Variants in TEX29 observed in about 807,000 individuals in gnomAD.
TEX29 encodes the protein testis-expressed protein 29.
A neutral mutation model predicts 18.2 loss-of-function variants in TEX29; 26 were observed. That is an observed-to-expected ratio of 1.43 (90% CI 1.04 to 1.98). The LOEUF (loss-of-function observed/expected upper bound fraction) is 1.98. Ranked by LOEUF, TEX29 falls within the 30% of genes most tolerant of loss-of-function variation. TEX29 has a pLI of 0.00. For missense variants in TEX29, 177 were observed against 194.2 expected, an observed-to-expected ratio of 0.91 and a Z score of 0.53; for synonymous variants, 83 against 78.5, an observed-to-expected ratio of 1.06 and a Z score of -0.31.
intron 3 of TEX29, among the ~76,000 whole-genome samples, chr13:111,332,207 G>T (rs2093683750): frequency 6.6e-6 from 1 of 151,942 alleles, no homozygotes; most frequent in Non-Finnish European, 1.5e-5. Context: ...ATTTATTTCG[G>T]TCTTTAATTT....
intron 2 of TEX29, among the ~76,000 whole-genome samples, chr13:111,325,388 C>T (rs2093671198): frequency 6.6e-6 from 1 of 151,904 alleles, no homozygotes; most frequent in African/African-American, 2.4e-5. Flanking sequence ...CTGCTGGTGC[C>T]AGTGGCCGGG....
rs116408379 is a variant in TEX29, at chr13:111,321,798, C to T, written c.58+850C>T. On this transcript the variant is annotated intron_variant, in intron 2 of 5. Coordinates refer to ENST00000283547, the MANE Select transcript of TEX29 (RefSeq NM_152324.3). ...ATTAGCCGAGCGTGGTGGCGGGTTG[C>T]CTGTAATCCCAGCTACTTGGAAGGC... 6.3e-3 allele frequency among the ~76,000 whole-genome samples: 966 copies of T among 152,176 alleles called. 7 individuals carry two copies. Among genetic ancestry groups the T allele is most frequent in the African/African-American group, 0.021 (875 of 41,510 alleles).
chr13:111,321,914 A>T (rs1165584492), intron 2 of TEX29, among the ~76,000 whole-genome samples: 1 of 152,214 alleles, frequency 6.6e-6, no homozygotes, highest in African/African-American at 2.4e-5. Flanking sequence ...ACAAAGCGAG[A>T]CTCCGCCTCA....
chr13:111,330,621 C>A (rs2093681228), intron 3 of TEX29, among the ~76,000 whole-genome samples: 1 of 152,186 alleles, frequency 6.6e-6, no homozygotes, highest in African/African-American at 2.4e-5. Flanking sequence ...TTAAAGTATA[C>A]AATTCAGTGG....
At chr13:111,344,043 T>G in intron 5 of TEX29, 40 bp from the exon 6 acceptor site, 1 of 1,543,474 alleles carries the variant, frequency 6.5e-7, no homozygotes, top group South Asian at 1.1e-5. Context: ...CTGCTGAATA[T>G]TCCATTTGAA....
chr13:111,342,345 T>C (rs1416199070), intron 4 of TEX29, among the ~76,000 whole-genome samples: 1 of 152,122 alleles, frequency 6.6e-6, no homozygotes, highest in Non-Finnish European at 1.5e-5. Context: ...TGCCCGGAGC[T>C]GTCTTTGGGA....
chr13:111,335,946 A>T (rs915752809), intron 3 of TEX29, among the ~76,000 whole-genome samples: 3 of 152,140 alleles, frequency 2.0e-5, no homozygotes, highest in African/African-American at 7.2e-5. Context: ...GCCTGTTTGT[A>T]AGTGTTGGCA....
intron 3 of TEX29, among the ~76,000 whole-genome samples, chr13:111,334,652 TGTTA>T (rs1292062646): frequency 6.6e-6 from 1 of 152,260 alleles, no homozygotes; most frequent in Non-Finnish European, 1.5e-5. Context: ...ATGCTAAGCT[TGTTA>T]GTTAGCCTCT....
intron 2 of TEX29, among the ~76,000 whole-genome samples, chr13:111,321,461 C>T (rs2093664403): frequency 6.6e-6 from 1 of 152,182 alleles, no homozygotes; most frequent in South Asian, 2.1e-4. Context: ...TGGGGGATGA[C>T]AGTGACTTAT....
At chr13:111,330,520 T>C (rs1181493564) in intron 3 of TEX29, among the ~76,000 whole-genome samples, 2 of 152,220 alleles carry the variant, frequency 1.3e-5, no homozygotes, top group African/African-American at 4.8e-5. Context: ...ATTCCCAGGA[T>C]CTCACGCCTT....
At chr13:111,339,832 C>A (rs372470135) in intron 3 of TEX29, 31 bp from the exon 4 acceptor site, 4 of 1,608,408 alleles carry the variant, frequency 2.5e-6, no homozygotes, top group East Asian at 4.5e-5. Flanking sequence ...TTACCTGGAT[C>A]GAAATGACTT....
chr13:111,322,269 G>C (rs1246133369), intron 2 of TEX29, among the ~76,000 whole-genome samples: 3 of 151,258 alleles, frequency 2.0e-5, no homozygotes, highest in Non-Finnish European at 4.4e-5. Context: ...ACCCAGGGTG[G>C]AGTGGGAGGC....
intron 2 of TEX29, among the ~76,000 whole-genome samples, chr13:111,327,439 C>A (rs998246871): frequency 1.3e-5 from 2 of 152,190 alleles, no homozygotes; most frequent in African/African-American, 4.8e-5. Flanking sequence ...TGGGTGCAGC[C>A]TTGGCCTGGG....
At chr13:111,329,243 T>C (rs1341604310) in intron 3 of TEX29, among the ~76,000 whole-genome samples, 3 of 152,054 alleles carry the variant, frequency 2.0e-5, no homozygotes, top group Admixed American at 2.0e-4. Context: ...GAGGGAACAG[T>C]GCAGCCCTTA....
chr13:111,317,090 G>A (rs1304869333), upstream of TEX29, among the ~76,000 whole-genome samples: 4 of 152,084 alleles, frequency 2.6e-5, no homozygotes. Context: ...TGGGGACACA[G>A]AGCCAACCCA....
At chr13:111,325,111 C>A (rs560569272) in intron 2 of TEX29, among the ~76,000 whole-genome samples, 2 of 152,340 alleles carry the variant, frequency 1.3e-5, no homozygotes, top group African/African-American at 4.8e-5. Context: ...AGGGTGGCTT[C>A]TCCCAGGAAG....
intron 2 of TEX29, among the ~76,000 whole-genome samples, chr13:111,325,406 T>A (rs1052986300): frequency 6.6e-6 from 1 of 151,932 alleles, no homozygotes; most frequent in African/African-American, 2.4e-5. Flanking sequence ...GGGAGTCCAG[T>A]ACCTGTGCAG....
chr13:111,319,562 C>T (rs9522181), upstream of TEX29, among the ~76,000 whole-genome samples: 8,354 of 152,254 alleles, frequency 0.055, 322 homozygotes, highest in Middle Eastern at 0.13. Flanking sequence ...CCCCCAGCAG[C>T]GTCCTCGGCT....
At chr13:111,323,874 C>T (rs2093668684) in intron 2 of TEX29, among the ~76,000 whole-genome samples, 3 of 152,256 alleles carry the variant, frequency 2.0e-5, no homozygotes, top group African/African-American at 7.2e-5. Flanking sequence ...CCTCCTCCTT[C>T]TCACCTCTCC....
Sources: gnomAD v4.1 joint callset for allele counts (sites outside exome capture counted in the v4.1 genomes callset) on GRCh38, gnomAD v4.1.1 for gene constraint, MANE v1.5 for transcripts, NCBI Gene and HGNC (gene_info 2026-07-23, HGNC 2026-07-21) for gene names.